The following MTHFD1L variants were observed in gnomAD, a reference collection of about 807,000 sequenced individuals.
MTHFD1L encodes the protein monofunctional C1-tetrahydrofolate synthase, mitochondrial.
MTHFD1L carries 81 observed loss-of-function variants against 119.5 expected under a neutral mutation model. The observed-to-expected ratio is 0.68, with a 90% CI of 0.57 to 0.82. MTHFD1L has a LOEUF of 0.82. MTHFD1L is among the 40% of genes least tolerant of loss of function. MTHFD1L has a pLI of 0.00. For missense variants in MTHFD1L, 1,125 were observed against 1,253.4 expected (o/e 0.90, Z 1.55); for synonymous variants, 430 against 475.2 (o/e 0.90, Z 1.24).
At position 150,972,061 on chromosome 6, in the gene MTHFD1L, A is replaced by G. The variant is rs1340402848; in HGVS notation, c.2125+3A>G. ...GGTTGGTGAAGAAGGATTTGTAGGTAAGTTATTTCTTTTAAATTTAGTTGT... is the reference window on the plus strand; with the variant it reads ...GGTTGGTGAAGAAGGATTTGTAGGTGAGTTATTTCTTTTAAATTTAGTTGT... On this transcript the variant is annotated splice_donor_region_variant and intron_variant, in intron 20 of 27. Coordinates refer to ENST00000367321, the MANE Select transcript of MTHFD1L (RefSeq NM_015440.5). 1 of 1,610,034 alleles carries G rather than the reference A, an allele frequency of 6.2e-7. No individual in the cohort carries two copies. The highest frequency in any genetic ancestry group is 2.2e-5 in the East Asian group (1 of 44,858).
intron 8 of MTHFD1L, among the ~76,000 whole-genome samples, chr6:150,910,710 C>T (rs1338964498): frequency 3.9e-5 from 6 of 152,144 alleles, no homozygotes; most frequent in Non-Finnish European, 5.9e-5. Context: ...GATGATACCT[C>T]GGGGCAGTGC....
chr6:150,972,130 G>C (rs1417834905), intron 20 of MTHFD1L, 72 bp downstream of exon 20: 3 of 1,303,404 alleles, frequency 2.3e-6, no homozygotes, highest in Non-Finnish European at 2.2e-6. Context: ...CTGGAATGGA[G>C]TGATATCCAT....
intron 10 of MTHFD1L, among the ~76,000 whole-genome samples, chr6:150,922,635 T>TC (rs1190218729): frequency 2.9e-4 from 31 of 107,302 alleles, no homozygotes; most frequent in East Asian, 8.5e-4. Flanking sequence ...GGCAGTGTTT[T>TC]CCCCCCCCAC....
chr6:151,064,150 C>G (rs570445062), intron 26 of MTHFD1L, among the ~76,000 whole-genome samples: 2 of 152,090 alleles, frequency 1.3e-5, no homozygotes, highest in South Asian at 4.1e-4. Context: ...TGAAAATCGG[C>G]CAATACTTGG....
At chr6:150,937,433 C>CCCATTCA (rs1792295380) in intron 12 of MTHFD1L, among the ~76,000 whole-genome samples, 2 of 152,176 alleles carry the variant, frequency 1.3e-5, no homozygotes, top group Non-Finnish European at 2.9e-5. Context: ...CTGGCACTTC[C>CCCATTCA]CCATTCATTA....
In MTHFD1L at chr6:150,926,203, T is replaced by A; in HGVS notation, c.1164T>A (p.Ile388=). ...AGATTGGATTGCTTGCAGATGAAAT[T>A]GAAATCTATGGCAAAAGCAAAGCCA... ...AKEIGLLADE[I]EIYGKSKAKV... Residue 388 remains isoleucine (I), a synonymous_variant, in exon 11 of 28, where the codon ATT becomes ATA. Transcript: ENST00000367321. This position sits in a 1 kb window ranked among gnomAD's most constrained non-coding sequence, Gnocchi z 4.3. 1 of 1,614,084 alleles carries A rather than the reference T, an allele frequency of 6.2e-7. No individual in the cohort carries two copies. The highest frequency in any genetic ancestry group is 1.3e-5 in the African/African-American group (1 of 75,012).
chr6:150,920,345 A>G (rs547357240), intron 9 of MTHFD1L, among the ~76,000 whole-genome samples: 227 of 152,306 alleles, frequency 1.5e-3, no homozygotes, highest in African/African-American at 5.4e-3. Context: ...GTGTTCCACC[A>G]TATAAGCTGA....
chr6:150,890,924 A>G (rs962338589), intron 7 of MTHFD1L, among the ~76,000 whole-genome samples: 1 of 152,248 alleles, frequency 6.6e-6, no homozygotes, highest in Non-Finnish European at 1.5e-5. Context: ...ACAATGATAT[A>G]CAAGCAGTGA....
intron 11 of MTHFD1L, among the ~76,000 whole-genome samples, chr6:150,927,225 AAAAGT>A (rs1471462656): frequency 6.6e-6 from 1 of 152,164 alleles, no homozygotes; most frequent in Non-Finnish European, 1.5e-5. Context: ...ACAGAAGTGA[AAAAGT>A]AAAACATCCC....
At chr6:150,932,161 C>CAAAAAA (rs5880902) in intron 11 of MTHFD1L, among the ~76,000 whole-genome samples, 31 of 39,454 alleles carry the variant, frequency 7.9e-4, no homozygotes, top group African/African-American at 1.3e-3. Flanking sequence ...GACTCCATCT[C>CAAAAAA]AAAAAAAAAA....
chr6:150,887,816 A>G (rs1161678989), intron 6 of MTHFD1L, 29 bp from the exon 7 acceptor site: 10 of 1,565,528 alleles, frequency 6.4e-6, no homozygotes, highest in South Asian at 1.2e-5. Flanking sequence ...AGTTTTGAGT[A>G]TAATATTGAA....
At chr6:150,902,794 A>G (rs1266014843) in intron 7 of MTHFD1L, among the ~76,000 whole-genome samples, 1 of 152,152 alleles carries the variant, frequency 6.6e-6, no homozygotes, top group Non-Finnish European at 1.5e-5. Flanking sequence ...CACGTGTAGG[A>G]AACTAACTGT....
chr6:151,070,498 T>C (rs965146023), intron 26 of MTHFD1L, among the ~76,000 whole-genome samples: 4 of 152,248 alleles, frequency 2.6e-5, no homozygotes, highest in African/African-American at 4.8e-5. Context: ...TTCAAGTCTT[T>C]TGGTTTTTAG....
At chr6:151,076,763 C>A (rs1019905986) in intron 26 of MTHFD1L, among the ~76,000 whole-genome samples, 1 of 151,830 alleles carries the variant, frequency 6.6e-6, no homozygotes, top group Non-Finnish European at 1.5e-5. Flanking sequence ...CCTTGGAAAT[C>A]AATTTGGGGT....
At position 150,941,479 on chromosome 6, in the gene MTHFD1L, G is replaced by A. The variant is rs561834050; in HGVS notation, c.1440+2734G>A. 3.9e-5 allele frequency among the ~76,000 whole-genome samples: 6 copies of A among 152,334 alleles called. No individual in the cohort carries two copies. The East Asian group carries it at 1.2e-3, about 29-fold the overall frequency. On this transcript the variant is annotated intron_variant, in intron 13 of 27. Coordinates refer to ENST00000367321, the MANE Select transcript of MTHFD1L (RefSeq NM_015440.5). ...CTTCTGTGTGATGAAAGGACCAGGG[G>A]CCTCTCAGTAGACACGATGAATCCA...
intron 20 of MTHFD1L, among the ~76,000 whole-genome samples, chr6:150,985,905 A>G (rs745968658): frequency 9.9e-5 from 15 of 152,128 alleles, no homozygotes; most frequent in Non-Finnish European, 2.1e-4. Context: ...TCGACAAACA[A>G]TGCAGAGAAT....
chr6:150,906,834 A>T (rs1339016108), intron 8 of MTHFD1L, among the ~76,000 whole-genome samples: 3 of 152,140 alleles, frequency 2.0e-5, no homozygotes, highest in East Asian at 1.9e-4. Flanking sequence ...CTCCTGCCAG[A>T]ATTGACCGAT....
chr6:150,963,839 T>TTAA (rs1405440973), intron 18 of MTHFD1L, among the ~76,000 whole-genome samples: 1 of 152,128 alleles, frequency 6.6e-6, no homozygotes, highest in Non-Finnish European at 1.5e-5. Flanking sequence ...AAGACACCAC[T>TTAA]TAAGGTCTTT....
intron 26 of MTHFD1L, among the ~76,000 whole-genome samples, chr6:151,041,107 G>A (rs1274775300): frequency 6.6e-6 from 1 of 152,202 alleles, no homozygotes; most frequent in Non-Finnish European, 1.5e-5. Context: ...GAACAGTCGG[G>A]TGTGGGGCAT....
Sources: allele counts gnomAD v4.1 joint callset (sites outside exome capture counted in the v4.1 genomes callset), GRCh38; gene constraint gnomAD v4.1.1; non-coding constraint Gnocchi (gnomAD v3.1); transcripts MANE v1.5; gene names NCBI Gene and HGNC (gene_info 2026-07-23, HGNC 2026-07-21).